The following CYRIB variants were observed in gnomAD, a reference collection of about 807,000 sequenced individuals.
The protein encoded by CYRIB is CYFIP related Rac1 interactor B.
CYRIB carries 8 observed loss-of-function variants against 44.2 expected under a neutral mutation model. That is an observed-to-expected ratio of 0.18 (90% CI 0.11 to 0.33). The LOEUF (loss-of-function observed/expected upper bound fraction) is 0.33, where lower values mean the gene tolerates loss of function less well. Ranked by LOEUF, CYRIB falls within the 10% of genes least tolerant of loss-of-function variation. The pLI, the probability that CYRIB is intolerant of heterozygous loss-of-function variation, is 1.00. For synonymous variants in CYRIB, 131 were observed against 127.2 expected, an observed-to-expected ratio of 1.03 and a Z score of -0.20; for missense variants, 185 against 382.8, an observed-to-expected ratio of 0.48 and a Z score of 4.31.
chr8:129,940,277 G>A (rs911164706), upstream of CYRIB, among the ~76,000 whole-genome samples: 1 of 152,194 alleles, frequency 6.6e-6, no homozygotes, highest in Non-Finnish European at 1.5e-5. Flanking sequence ...GCTAGGCTGC[G>A]GGCGCGCCTC....
chr8:129,917,566 T>TA (rs1286497078), intron 1 of CYRIB, among the ~76,000 whole-genome samples: 1 of 152,140 alleles, frequency 6.6e-6, no homozygotes, highest in African/African-American at 2.4e-5. Context: ...AGATTTCTCT[T>TA]AAATATCTTG....
intron 1 of CYRIB, among the ~76,000 whole-genome samples, chr8:129,925,002 A>T (rs538284149): frequency 6.6e-6 from 1 of 152,286 alleles, no homozygotes; most frequent in South Asian, 2.1e-4. Flanking sequence ...AGCCCTACAC[A>T]GTACAAGAGC....
chr8:129,991,955 A>G (rs2096644355), intron 1 of CYRIB, among the ~76,000 whole-genome samples: 1 of 146,190 alleles, frequency 6.8e-6, no homozygotes, highest in Non-Finnish European at 1.5e-5. Context: ...AAAAAAAAAA[A>G]AAAAAAAAAA....
intron 1 of CYRIB, among the ~76,000 whole-genome samples, chr8:129,936,621 T>C (rs1365029741): frequency 6.6e-6 from 1 of 151,980 alleles, no homozygotes; most frequent in East Asian, 1.9e-4. Context: ...ATCCATTCTA[T>C]GAACTAAAGT....
At chr8:129,859,337 G>A (rs574025144) in intron 5 of CYRIB, among the ~76,000 whole-genome samples, 11 of 152,258 alleles carry the variant, frequency 7.2e-5, no homozygotes, top group African/African-American at 2.2e-4. Flanking sequence ...ACATAAAGGC[G>A]GACTAGGAGC....
intron 1 of CYRIB, among the ~76,000 whole-genome samples, chr8:129,985,343 G>A (rs1235612311): frequency 1.3e-5 from 2 of 152,080 alleles, no homozygotes; most frequent in Non-Finnish European, 2.9e-5. Context: ...GCCTCTCCAC[G>A]CTCCATCCTG....
intron 1 of CYRIB, among the ~76,000 whole-genome samples, chr8:129,915,482 A>C (rs554017870): frequency 3.0e-4 from 45 of 152,328 alleles, no homozygotes; most frequent in Non-Finnish European, 2.9e-5. Flanking sequence ...TTAATTAATA[A>C]AAAAGTAAGA....
At chr8:130,004,362 C>T (rs919141355) in intron 1 of CYRIB, among the ~76,000 whole-genome samples, 1 of 152,198 alleles carries the variant, frequency 6.6e-6, no homozygotes, top group Non-Finnish European at 1.5e-5. Flanking sequence ...ACCTGAGCCT[C>T]CTGAGTAGCT....
intron 1 of CYRIB, among the ~76,000 whole-genome samples, chr8:129,997,098 G>A: frequency 7.3e-6 from 1 of 136,558 alleles, no homozygotes; most frequent in Non-Finnish European, 1.6e-5. Flanking sequence ...AGGAGGGAGG[G>A]AAGGAAGGAA....
chr8:129,955,244 C>G (rs561749005), intron 2 of CYRIB, among the ~76,000 whole-genome samples: 270 of 113,746 alleles, frequency 2.4e-3, no homozygotes, highest in Admixed American at 5.3e-3. Context: ...CAGAACAAAA[C>G]TCCGTCTCAA....
chr8:129,916,880 T>C (rs539610319), intron 1 of CYRIB, among the ~76,000 whole-genome samples: 7 of 152,338 alleles, frequency 4.6e-5, no homozygotes, highest in Admixed American at 1.3e-4. Flanking sequence ...AAAGTTTTAG[T>C]CTAGAGGCTT....
intron 2 of CYRIB, among the ~76,000 whole-genome samples, chr8:129,969,014 C>CTTTTTTT (rs2095590509): frequency 3.6e-4 from 2 of 5,608 alleles, no homozygotes; most frequent in Non-Finnish European, 6.3e-4. Context: ...AATTTGTCCT[C>CTTTTTTT]CTTTTTTTTT....
chr8:129,891,047 C>G (rs1177652240), intron 2 of CYRIB, among the ~76,000 whole-genome samples: 1 of 152,172 alleles, frequency 6.6e-6, no homozygotes, highest in Admixed American at 6.5e-5. Context: ...AGCAGTAAGA[C>G]AGCTAGGGTT....
chr8:129,943,782 G>A (rs1481259360), upstream of CYRIB, among the ~76,000 whole-genome samples: 2 of 150,320 alleles, frequency 1.3e-5, no homozygotes, highest in African/African-American at 4.9e-5. Flanking sequence ...TGTATTTTTA[G>A]TAGAGACGGG....
intron 1 of CYRIB, among the ~76,000 whole-genome samples, chr8:129,938,532 CA>C (rs199630994): frequency 6.6e-6 from 1 of 152,234 alleles, no homozygotes; most frequent in East Asian, 1.9e-4. Context: ...AAGCAAATTC[CA>C]AAAACCTTTG....
chr8:129,982,507 C>T (rs1413640177), intron 1 of CYRIB, among the ~76,000 whole-genome samples: 1 of 152,210 alleles, frequency 6.6e-6, no homozygotes, highest in Non-Finnish European at 1.5e-5. Context: ...CATCACTGCA[C>T]ACAGGGATGA....
At chr8:130,002,327 G>C (rs1199097904) in intron 1 of CYRIB, among the ~76,000 whole-genome samples, 1 of 152,092 alleles carries the variant, frequency 6.6e-6, no homozygotes, top group African/African-American at 2.4e-5. Flanking sequence ...CAGATGTAGT[G>C]GCATGCACCT....
intron 2 of CYRIB, among the ~76,000 whole-genome samples, chr8:129,901,229 T>A (rs1449653639): frequency 6.6e-6 from 1 of 151,958 alleles, no homozygotes; most frequent in Non-Finnish European, 1.5e-5. Flanking sequence ...AGGATACCTT[T>A]TTTTTTTGAG....
At chr8:130,006,618 G>A (rs1283799006) in intron 1 of CYRIB, among the ~76,000 whole-genome samples, 518 of 1,352 alleles carry the variant, frequency 0.38, 13 homozygotes, top group Middle Eastern at 0.5. Flanking sequence ...ATATATATGT[G>A]TATATATATA....
Sources: gnomAD v4.1 joint callset for allele counts (sites outside exome capture counted in the v4.1 genomes callset) on GRCh38, gnomAD v4.1.1 for gene constraint, MANE v1.5 for transcripts, NCBI Gene and HGNC (gene_info 2026-07-23, HGNC 2026-07-21) for gene names.